The following NALF1 variants were observed in gnomAD, a reference collection of about 807,000 sequenced individuals.
NALF1 encodes NALCN channel auxiliary factor 1, also known as family with sequence similarity 155 member A.
Under a neutral mutation model 48.4 loss-of-function variants are expected in NALF1, and 3 were observed. That is an observed-to-expected ratio of 0.06 (90% confidence interval 0.03 to 0.16). The LOEUF (loss-of-function observed/expected upper bound fraction) is 0.16, where lower values mean the gene tolerates loss of function less well. Among genes scored for constraint, NALF1 ranks in the 10% least tolerant of loss-of-function variants. The probability of loss-of-function intolerance (pLI) is 1.00; values close to 1 mark genes in which losing one functional copy is unlikely to be tolerated. For missense variants in NALF1, 526 were observed against 571.5 expected, an observed-to-expected ratio of 0.92 and a Z score of 0.81; for synonymous variants, 262 against 245.7, an observed-to-expected ratio of 1.07 and a Z score of -0.62.
intron 1 of NALF1, among the ~76,000 whole-genome samples, chr13:107,807,704 A>C (rs896602855): frequency 6.6e-6 from 1 of 152,194 alleles, no homozygotes; most frequent in African/African-American, 2.4e-5. Flanking sequence ...TGTCTGATTT[A>C]GGAAAATTAC....
intron 2 of NALF1, among the ~76,000 whole-genome samples, chr13:107,177,666 T>C (rs1471334827): frequency 1.3e-5 from 2 of 152,168 alleles, no homozygotes. Flanking sequence ...CTTCAATAAA[T>C]GGTGCCAGGA....
At chr13:107,268,206 T>A (rs1329105849) in intron 1 of NALF1, among the ~76,000 whole-genome samples, 1 of 152,086 alleles carries the variant, frequency 6.6e-6, no homozygotes, top group East Asian at 1.9e-4. Flanking sequence ...GCCAGGATGG[T>A]CTCAATCTCT....
At chr13:107,857,695 T>C (rs533538530) in intron 1 of NALF1, among the ~76,000 whole-genome samples, 97 of 152,356 alleles carry the variant, frequency 6.4e-4, no homozygotes, top group Admixed American at 1.7e-3. Flanking sequence ...TGTTCAATAA[T>C]TGAATCATCT....
chr13:107,424,875 G>A (rs1424905810), intron 1 of NALF1, among the ~76,000 whole-genome samples: 2 of 152,068 alleles, frequency 1.3e-5, no homozygotes, highest in Non-Finnish European at 1.5e-5. Context: ...TGGTATTCTA[G>A]GTAAATAAAT....
intron 1 of NALF1, among the ~76,000 whole-genome samples, chr13:107,379,511 A>G (rs1381530465): frequency 6.6e-6 from 1 of 152,138 alleles, no homozygotes; most frequent in Non-Finnish European, 1.5e-5. Flanking sequence ...CTGAGATGCA[A>G]GTTGGGGCAA....
intron 1 of NALF1, among the ~76,000 whole-genome samples, chr13:107,653,018 C>T (rs751145292): frequency 1.7e-4 from 26 of 152,088 alleles, no homozygotes; most frequent in Admixed American, 1.7e-3. Context: ...CAAAGATACA[C>T]GGGGGTTGAA....
At chr13:107,756,444 T>TATATATATATATATATATATATATATAC (rs201150584) in intron 1 of NALF1, among the ~76,000 whole-genome samples, 4 of 150,550 alleles carry the variant, frequency 2.7e-5, no homozygotes, top group African/African-American at 9.8e-5. Flanking sequence ...GCTATATATA[T>TATATATATATATATATATATATATATAC]ATATATATAT....
intron 1 of NALF1, among the ~76,000 whole-genome samples, chr13:107,323,602 C>T (rs1403081239): frequency 6.6e-6 from 1 of 152,090 alleles, no homozygotes; most frequent in African/African-American, 2.4e-5. Context: ...CACTTACCCC[C>T]AATCAGACTG....
intron 1 of NALF1, among the ~76,000 whole-genome samples, chr13:107,560,578 T>A (rs990915968): frequency 1.3e-5 from 2 of 152,200 alleles, no homozygotes; most frequent in Non-Finnish European, 2.9e-5. Context: ...TACATTGTCA[T>A]TTTAAATGGA....
chr13:107,359,458 A>G (rs994306364), intron 1 of NALF1, among the ~76,000 whole-genome samples: 1 of 152,132 alleles, frequency 6.6e-6, no homozygotes, highest in Non-Finnish European at 1.5e-5. Flanking sequence ...ATATCATTCT[A>G]TAAAAGACAA....
At chr13:107,640,591 A>G (rs1214447337) in intron 1 of NALF1, among the ~76,000 whole-genome samples, 4 of 152,214 alleles carry the variant, frequency 2.6e-5, no homozygotes, top group African/African-American at 9.6e-5. Context: ...TGTTCTTCAG[A>G]GATGACTTTC....
chr13:107,229,443 A>G (rs533376251), intron 1 of NALF1, among the ~76,000 whole-genome samples: 1 of 152,262 alleles, frequency 6.6e-6, no homozygotes, highest in South Asian at 2.1e-4. Context: ...CCTGCAGCAT[A>G]ATTAGGTACT....
intron 1 of NALF1, among the ~76,000 whole-genome samples, chr13:107,721,317 G>C (rs1306083298): frequency 1.3e-5 from 2 of 152,096 alleles, no homozygotes; most frequent in African/African-American, 4.8e-5. Flanking sequence ...CCAGCAACAA[G>C]GAATATCCAG....
chr13:107,664,856 GGT>G (rs1371626121), intron 1 of NALF1, among the ~76,000 whole-genome samples: 1 of 151,912 alleles, frequency 6.6e-6, no homozygotes, highest in Non-Finnish European at 1.5e-5. Context: ...CCTTGAATTT[GGT>G]GTGTCTCTGC....
intron 1 of NALF1, among the ~76,000 whole-genome samples, chr13:107,742,591 T>C (rs1015059152): frequency 2.0e-5 from 3 of 152,170 alleles, no homozygotes; most frequent in Admixed American, 2.0e-4. Flanking sequence ...TCCTGAGGCT[T>C]ACCCATCCCT....
chr13:107,547,435 T>C (rs1260127716), intron 1 of NALF1, among the ~76,000 whole-genome samples: 4 of 152,248 alleles, frequency 2.6e-5, no homozygotes, highest in African/African-American at 4.8e-5. Flanking sequence ...ACCAAATTTT[T>C]AAACAATTGT....
At chr13:107,702,020 T>C (rs945136098) in intron 1 of NALF1, among the ~76,000 whole-genome samples, 1 of 152,188 alleles carries the variant, frequency 6.6e-6, no homozygotes. Flanking sequence ...AATAAATGCA[T>C]TGACAAACTT....
chr13:107,196,318 C>T (rs141730108), intron 2 of NALF1, among the ~76,000 whole-genome samples: 80 of 152,190 alleles, frequency 5.3e-4, no homozygotes, highest in Non-Finnish European at 9.7e-4. Flanking sequence ...TTACAAAAAT[C>T]AGGGAAATCA....
intron 1 of NALF1, among the ~76,000 whole-genome samples, chr13:107,853,462 G>T (rs780795186): frequency 5.3e-5 from 8 of 152,156 alleles, no homozygotes; most frequent in Non-Finnish European, 1.2e-4. Context: ...AAGGGAACTA[G>T]GAAAAACTGA....
Sources: gnomAD v4.1 joint callset for allele counts (sites outside exome capture counted in the v4.1 genomes callset) on GRCh38, gnomAD v4.1.1 for gene constraint, MANE v1.5 for transcripts, NCBI Gene and HGNC (gene_info 2026-07-23, HGNC 2026-07-21) for gene names.